Variants in SBF2 observed in about 807,000 individuals in gnomAD.
The protein encoded by SBF2 is myotubularin-related protein 13.
SBF2 carries 112 observed loss-of-function variants against 225.2 expected under a neutral mutation model. That is an observed-to-expected ratio of 0.50 (90% confidence interval 0.43 to 0.58). The LOEUF (loss-of-function observed/expected upper bound fraction) is 0.58. SBF2 is among the 20% of genes least tolerant of loss of function. SBF2 has a pLI of 0.00. For missense variants in SBF2, 1,996 were observed against 2,206.2 expected, an observed-to-expected ratio of 0.90 and a Z score of 1.91; for synonymous variants, 763 against 773.3, an observed-to-expected ratio of 0.99 and a Z score of 0.22.
intron 36 of SBF2, among the ~76,000 whole-genome samples, chr11:9,785,935 C>T (rs1429334246): frequency 1.3e-5 from 2 of 152,060 alleles, no homozygotes; most frequent in Non-Finnish European, 1.5e-5. Context: ...GGCATGATCT[C>T]GGCTTACTGC....
In SBF2 at chr11:10,074,344, ATGT is replaced by A. The variant is rs147776850; in HGVS notation, c.142-31366_142-31364del. ...TAAATAATAAATACCAAAAACATAG[ATGT>A]TGAACATGTTTGAATCAATATTCTC... On this transcript the variant is annotated intron_variant, in intron 2 of 39. Transcript: ENST00000256190. 3.4e-3 allele frequency among the ~76,000 whole-genome samples: 525 copies of A among 152,338 alleles called. 4 individuals are homozygous for A. The highest frequency in any genetic ancestry group is 0.012 in the African/African-American group (497 of 41,586).
intron 1 of SBF2, among the ~76,000 whole-genome samples, chr11:10,265,942 A>G (rs1961946317): frequency 6.6e-6 from 1 of 151,792 alleles, no homozygotes; most frequent in Non-Finnish European, 1.5e-5. Flanking sequence ...CTGGTTTTGA[A>G]CTTCTAGCCT....
intron 2 of SBF2, among the ~76,000 whole-genome samples, chr11:10,142,463 G>A (rs1954690051): frequency 6.6e-6 from 1 of 152,172 alleles, no homozygotes; most frequent in Non-Finnish European, 1.5e-5. Context: ...TTCAAGATTA[G>A]TTATACTGGG....
Position 9,846,941 on chromosome 11 carries a change from T to C in SBF2, c.2934+15A>G, listed in dbSNP as rs1461263560. 18 of 1,613,574 alleles carry C rather than the reference T, an allele frequency of 1.1e-5. No individual in the cohort carries two copies. The highest frequency in any genetic ancestry group is 1.4e-5 in the Non-Finnish European group (17 of 1,179,534). On this transcript the variant is annotated intron_variant, in intron 23 of 39. Transcript: ENST00000256190. ...AATTTTTGAATAGTAAAACAATGGCTTCCTTTTTTAATACCTGAAAAGATG... is the reference window on the plus strand; with the variant it reads ...AATTTTTGAATAGTAAAACAATGGCCTCCTTTTTTAATACCTGAAAAGATG...
At chr11:9,917,406 C>T (rs542739118) in intron 16 of SBF2, among the ~76,000 whole-genome samples, 2 of 151,524 alleles carry the variant, frequency 1.3e-5, no homozygotes. Flanking sequence ...GTCTTGGCTC[C>T]CTGCAACCTC....
At chr11:10,166,548 T>C (rs540692801) in intron 2 of SBF2, among the ~76,000 whole-genome samples, 138 of 152,200 alleles carry the variant, frequency 9.1e-4, no homozygotes, top group African/African-American at 3.2e-3. Context: ...CACAAAAAAA[T>C]GTTAATCTAA....
chr11:10,248,981 A>T (rs1275889378), intron 1 of SBF2, among the ~76,000 whole-genome samples: 1 of 152,108 alleles, frequency 6.6e-6, no homozygotes, highest in East Asian at 1.9e-4. Flanking sequence ...CTGTAGTCCC[A>T]GCTACTCAGG....
At chr11:10,007,167 T>A (rs1047785472) in intron 6 of SBF2, among the ~76,000 whole-genome samples, 6 of 152,170 alleles carry the variant, frequency 3.9e-5, no homozygotes, top group Non-Finnish European at 8.8e-5. Flanking sequence ...CGTACCGAAG[T>A]TAAGGGTACA....
intron 17 of SBF2, 68 bp downstream of exon 17, chr11:9,895,875 A>C: frequency 8.5e-7 from 1 of 1,178,096 alleles, no homozygotes; most frequent in Non-Finnish European, 1.3e-6. Context: ...ATGTAGTTCC[A>C]TAATAAATCA....
At chr11:10,174,732 A>G (rs942529418) in intron 2 of SBF2, among the ~76,000 whole-genome samples, 5 of 152,160 alleles carry the variant, frequency 3.3e-5, no homozygotes, top group Non-Finnish European at 5.9e-5. Context: ...AGTTGAAATG[A>G]AGGAAAAAAT....
At chr11:10,140,845 G>GA (rs144396579) in intron 2 of SBF2, among the ~76,000 whole-genome samples, 11,556 of 152,122 alleles carry the variant, frequency 0.076, 624 homozygotes, top group East Asian at 0.28. Context: ...TGGTGTCAGA[G>GA]GTTGGAAATT....
chr11:10,230,107 T>C (rs1356558550), intron 1 of SBF2, among the ~76,000 whole-genome samples: 2 of 152,162 alleles, frequency 1.3e-5, no homozygotes, highest in Non-Finnish European at 2.9e-5. Context: ...TGGTTTAAAG[T>C]CTGTTTTATC....
chr11:9,825,079 C>G (rs982834430), intron 28 of SBF2, among the ~76,000 whole-genome samples: 1 of 151,914 alleles, frequency 6.6e-6, no homozygotes, highest in Non-Finnish European at 1.5e-5. Context: ...AAATGTGTCC[C>G]CCTCCCAAAA....
chr11:10,080,765 A>G (rs1312694914), intron 2 of SBF2, among the ~76,000 whole-genome samples: 2 of 152,190 alleles, frequency 1.3e-5, no homozygotes, highest in East Asian at 3.9e-4. Flanking sequence ...AAAGGGGTAA[A>G]AAAACATATT....
At chr11:9,953,779 G>C (rs1865995562) in intron 16 of SBF2, among the ~76,000 whole-genome samples, 1 of 152,048 alleles carries the variant, frequency 6.6e-6, no homozygotes, top group Non-Finnish European at 1.5e-5. Context: ...CTTCTTAGGA[G>C]AAACAATGTA....
chr11:10,009,245 CTT>C (rs1419169153), intron 6 of SBF2, among the ~76,000 whole-genome samples: 16 of 152,048 alleles, frequency 1.1e-4, no homozygotes, highest in Non-Finnish European at 5.9e-5. Flanking sequence ...AACAGTTAAA[CTT>C]ATTGCTTTCT....
chr11:10,000,917 T>G lies in SBF2; in HGVS notation c.858A>C (p.Glu286Asp). ...VHSVFKTDVH[E>D]LLDVIIADLD... is the part of the protein sequence containing the mutation. ...AACTTTAAAGATGAATACTTACAAG[T>G]TCATGGACATCAGTTTTAAAGACAG... Residue 286 changes from glutamate (E) to aspartate (D), a missense_variant, in exon 8 of 40, where the codon GAA becomes GAC. Physicochemically the swap from Glu to Asp is conservative, Grantham distance 45. Transcript: ENST00000256190. 1 of 1,532,278 alleles carries G rather than the reference T, an allele frequency of 6.5e-7. No individual in the cohort carries two copies. Among genetic ancestry groups the G allele is most frequent in the Non-Finnish European group, 9.0e-7 (1 of 1,105,580 alleles). The allele number at this position is 1,532,278 out of a possible 1,614,324, so 94.9% of individuals were successfully genotyped here.
intron 2 of SBF2, among the ~76,000 whole-genome samples, chr11:10,101,041 C>T (rs759383499): frequency 2.4e-4 from 36 of 152,122 alleles, no homozygotes; most frequent in East Asian, 3.9e-4. Context: ...TTCTGCCTAT[C>T]GTGTCTTTGT....
chr11:9,952,078 C>A (rs923017770), intron 16 of SBF2, among the ~76,000 whole-genome samples: 2 of 152,206 alleles, frequency 1.3e-5, no homozygotes, highest in African/African-American at 4.8e-5. Context: ...CAATCTCTTG[C>A]CTGGAAGGCA....
Sources: allele counts gnomAD v4.1 joint callset (sites outside exome capture counted in the v4.1 genomes callset), GRCh38; gene constraint gnomAD v4.1.1; transcripts MANE v1.5; gene names NCBI Gene and HGNC (gene_info 2026-07-23, HGNC 2026-07-21).